The following NAP1L1 variants were observed in gnomAD, a reference collection of about 807,000 sequenced individuals.
The protein encoded by NAP1L1 is nucleosome assembly protein 1 like 1, also known as nucleosome assembly protein 1-like 1.
NAP1L1 carries 9 observed loss-of-function variants against 58.9 expected under a neutral mutation model. That is an observed-to-expected ratio of 0.15 (90% CI 0.09 to 0.27). NAP1L1 has a LOEUF of 0.27. NAP1L1 is among the 10% of genes least tolerant of loss of function. The pLI is 1.00. For synonymous variants in NAP1L1, 130 were observed against 138.3 expected, an observed-to-expected ratio of 0.94 and a Z score of 0.42; for missense variants, 302 against 458.8, an observed-to-expected ratio of 0.66 and a Z score of 3.12.
chr12:76,053,857 A>G lies in NAP1L1; in HGVS notation c.683T>C (p.Val228Ala), dbSNP rs1230381161. Reference protein sequence around the residue: ...FEPNEYFTNEVLTKTYRMRSE... With the variant: ...FEPNEYFTNEALTKTYRMRSE... ...CCTCATCCTGTATGTCTTTGTCAGC[A>G]CTTCATTTGTAAAATATTCATTGGG... The change falls in exon 9 of 15, where the codon GTG becomes GCG. Residue 228 changes from valine to alanine, a missense_variant. Val to Ala is a moderately conservative substitution (Grantham distance 64). Transcript: ENST00000618691. 1 of 1,590,928 alleles carries G rather than the reference A, an allele frequency of 6.3e-7. No homozygotes were observed. The highest frequency in any genetic ancestry group is 8.5e-7 in the Non-Finnish European group (1 of 1,174,332).
chr12:76,066,996 A>G (rs887161307), intron 4 of NAP1L1, among the ~76,000 whole-genome samples: 10 of 152,070 alleles, frequency 6.6e-5, no homozygotes, highest in East Asian at 3.9e-4. Flanking sequence ...GGATCTTAAA[A>G]TCACAAAAAA....
At chr12:76,063,696 C>G (rs1024860354) in intron 4 of NAP1L1, among the ~76,000 whole-genome samples, 1 of 151,954 alleles carries the variant, frequency 6.6e-6, no homozygotes, top group Non-Finnish European at 1.5e-5. Flanking sequence ...ACTTGGGAGG[C>G]TGAGGCAGGA....
At chr12:76,071,464 G>GC (rs1298827481) in intron 2 of NAP1L1, among the ~76,000 whole-genome samples, 1 of 152,052 alleles carries the variant, frequency 6.6e-6, no homozygotes, top group East Asian at 1.9e-4. Flanking sequence ...TTATGATAAA[G>GC]GGTTTTTTTG....
intron 4 of NAP1L1, among the ~76,000 whole-genome samples, chr12:76,064,534 G>C (rs1949573752): frequency 6.6e-6 from 1 of 151,912 alleles, no homozygotes. Flanking sequence ...GAATAACATA[G>C]AGCAATCCTA....
intron 3 of NAP1L1, among the ~76,000 whole-genome samples, chr12:76,067,962 A>G (rs1592673816): frequency 6.6e-6 from 1 of 152,218 alleles, no homozygotes; most frequent in East Asian, 1.9e-4. Context: ...TAAAGTTAAT[A>G]AAGTTAATAG....
At chr12:76,083,489 A>C (rs1236731786) in intron 1 of NAP1L1, among the ~76,000 whole-genome samples, 2 of 151,620 alleles carry the variant, frequency 1.3e-5, no homozygotes, top group Admixed American at 1.3e-4. Context: ...AAAAAAAAAA[A>C]AAAAAACCTC....
chr12:76,079,098 G>A (rs1482864791), intron 1 of NAP1L1, among the ~76,000 whole-genome samples: 2 of 152,092 alleles, frequency 1.3e-5, no homozygotes. Flanking sequence ...AAAAAAGGTA[G>A]ATTAACTTCA....
chr12:76,060,018 T>C (rs983268614), intron 5 of NAP1L1, 120 bp downstream of exon 5: 1 of 1,220,556 alleles, frequency 8.2e-7, no homozygotes, highest in Non-Finnish European at 1.1e-6. Flanking sequence ...TTCCTCCAAG[T>C]GCTGCCTCTA....
intron 1 of NAP1L1, among the ~76,000 whole-genome samples, chr12:76,079,424 C>T (rs1331674680): frequency 6.6e-6 from 1 of 152,052 alleles, no homozygotes; most frequent in Non-Finnish European, 1.5e-5. Flanking sequence ...CACTTGAACC[C>T]AGGAGTTTGA....
chr12:76,073,077 A>G (rs1055980830), intron 2 of NAP1L1, among the ~76,000 whole-genome samples: 4 of 152,110 alleles, frequency 2.6e-5, no homozygotes, highest in African/African-American at 9.7e-5. Flanking sequence ...CACTTTGGGA[A>G]CCATTATTAT....
chr12:76,049,177 A>G (rs765264386), intron 14 of NAP1L1, 23 bp downstream of exon 14: 2 of 1,600,064 alleles, frequency 1.2e-6, no homozygotes, highest in South Asian at 1.1e-5. Context: ...AATTTAATAG[A>G]AAGCAGCACT....
rs140327836 is a variant in NAP1L1, at chr12:76,055,817, T to C, written c.558+216A>G. On this transcript the variant is annotated intron_variant, in intron 7 of 14. Transcript: ENST00000618691. ...AACACCAGTCGATAATGAGCCATTA[T>C]CAATGGGACCATTTCATTATCTCAT... Among the ~76,000 whole-genome samples, 575 of 152,360 alleles carry C rather than the reference T, an allele frequency of 3.8e-3. 7 individuals carry two copies. The highest frequency in any genetic ancestry group is 0.013 in the African/African-American group (551 of 41,588).
At position 76,081,082 on chromosome 12, in the gene NAP1L1, T is replaced by TC. The variant is rs537371451; in HGVS notation, c.-21+3484_-21+3485insG. ...TATAACTGCAAGAAATAAATTCTTT[T>TC]TTTTTAAATAAATTACTCAGTTTCA... On this transcript the variant is annotated intron_variant, in intron 1 of 14. Coordinates refer to ENST00000618691, the MANE Select transcript of NAP1L1 (RefSeq NM_004537.7). Among the ~76,000 whole-genome samples the TC allele has an allele frequency of 3.7e-3, 566 of 151,660 alleles. 2 individuals are homozygous for TC. The highest frequency in any genetic ancestry group is 0.013 in the African/African-American group (547 of 41,322).
chr12:76,060,425 A>T, intron 4 of NAP1L1, 146 bp from the exon 5 acceptor site: 1 of 715,780 alleles, frequency 1.4e-6, no homozygotes. Flanking sequence ...ATAAAAATCA[A>T]ATAGATATAA....
At chr12:76,071,160 C>A (rs891575094) in intron 2 of NAP1L1, among the ~76,000 whole-genome samples, 1 of 152,184 alleles carries the variant, frequency 6.6e-6, no homozygotes, top group African/African-American at 2.4e-5. Context: ...CCCACAGACA[C>A]AGAGGGCCAA....
chr12:76,075,554 G>A (rs932258302), intron 1 of NAP1L1, among the ~76,000 whole-genome samples: 1 of 152,086 alleles, frequency 6.6e-6, no homozygotes, highest in African/African-American at 2.4e-5. Flanking sequence ...TCTTCCTAAT[G>A]TATCTAACTC....
chr12:76,060,271 C>A lies in NAP1L1; in HGVS notation c.215G>T (p.Arg72Met). 1 of 1,613,596 alleles carries A rather than the reference C, an allele frequency of 6.2e-7. No individual in the cohort carries two copies. The change falls in exon 5 of 15, where the codon AGG (arginine) becomes ATG (methionine). Residue 72 changes from arginine to methionine, a missense_variant. Arg to Met is a moderately conservative substitution (Grantham distance 91). Coordinates refer to ENST00000618691, the MANE Select transcript of NAP1L1 (RefSeq NM_004537.7). ...AGCATTCACTCGTCTTTTAACTACCCTAGGCAGGCTGAAAGGTTAGAAATC... is the reference window on the plus strand; with the variant it reads ...AGCATTCACTCGTCTTTTAACTACCATAGGCAGGCTGAAAGGTTAGAAATC... ...TPTGYIESLP[R>M]VVKRRVNALK... is the part of the protein sequence containing the mutation.
rs568762972 is a variant in NAP1L1 at position 76,081,706 on chromosome 12, T to C, written c.-21+2861A>G. On this transcript the variant is annotated intron_variant, in intron 1 of 14. Transcript: ENST00000618691. The stretch of plus-strand genomic sequence containing the variant: ...CCAAAGGTATAGAAGCCATTTTCTA[T>C]GGCAAGCCCACTAATGTACTCTAAT... 2.6e-5 allele frequency among the ~76,000 whole-genome samples: 4 copies of C among 152,376 alleles called. No individual in the cohort carries two copies. In the East Asian group the frequency reaches 7.7e-4, roughly 29 times the overall value.
chr12:76,054,415 G>T (rs1241012188), intron 8 of NAP1L1, among the ~76,000 whole-genome samples: 1 of 152,020 alleles, frequency 6.6e-6, no homozygotes, highest in Non-Finnish European at 1.5e-5. Context: ...TAATAATGAG[G>T]TACAAATTGA....
Sources: allele counts gnomAD v4.1 joint callset (sites outside exome capture counted in the v4.1 genomes callset), GRCh38; gene constraint gnomAD v4.1.1; transcripts MANE v1.5; gene names NCBI Gene and HGNC (gene_info 2026-07-23, HGNC 2026-07-21).